The following METTL21A variants were observed in gnomAD, a reference collection of about 807,000 sequenced individuals.
METTL21A encodes methyltransferase 21A, HSPA lysine, also known as protein N-lysine methyltransferase METTL21A.
Under a neutral mutation model 20.9 loss-of-function variants are expected in METTL21A, and 22 were observed. That is an observed-to-expected ratio of 1.05 (90% confidence interval 0.75 to 1.50). The LOEUF is 1.50. METTL21A is among the 40% of genes most tolerant of loss of function. The pLI, the probability that METTL21A is intolerant of heterozygous loss-of-function variation, is 0.00. For missense variants in METTL21A, 271 were observed against 266.8 expected, an observed-to-expected ratio of 1.02 and a Z score of -0.11; for synonymous variants, 93 against 102.0, an observed-to-expected ratio of 0.91 and a Z score of 0.53.
At chr2:207,624,365 A>G in exon 2 of METTL21A, 1 of 1,613,262 alleles carries the variant, frequency 6.2e-7, no homozygotes, top group African/African-American at 1.3e-5. Flanking sequence ...CTCATAGGGC[A>G]CGAGGGCCAT....
chr2:207,614,528 C>G (rs1345999407), intron 3 of METTL21A, among the ~76,000 whole-genome samples: 2 of 152,182 alleles, frequency 1.3e-5, no homozygotes, highest in Non-Finnish European at 2.9e-5. Flanking sequence ...GTCCACTTCT[C>G]CTTAGGCTGT....
intron 3 of METTL21A, chr2:207,620,832 G>A (rs1270740504): frequency 1.4e-6 from 1 of 719,792 alleles, no homozygotes; most frequent in East Asian, 2.9e-5. Flanking sequence ...TGGGTTTCTG[G>A]AAAACAGGCA....
chr2:207,585,013 G>T (rs920287591), intron 3 of METTL21A, among the ~76,000 whole-genome samples: 1 of 151,720 alleles, frequency 6.6e-6, no homozygotes, highest in Non-Finnish European at 1.5e-5. Context: ...ACTTACACAC[G>T]TCTAGGAGCC....
intron 3 of METTL21A, chr2:207,599,804 T>A (rs936606023): frequency 5.1e-6 from 1 of 196,474 alleles, no homozygotes. Context: ...CAAGAACATA[T>A]GTGGCCACAT....
chr2:207,581,792 A>T (rs2082989688), exon 4 of METTL21A: 1 of 691,952 alleles, frequency 1.4e-6, no homozygotes, highest in African/African-American at 1.8e-5. Flanking sequence ...TTTTTTACTT[A>T]CATAATCCAG....
chr2:207,617,868 G>A (rs1202575985), intron 3 of METTL21A, among the ~76,000 whole-genome samples: 1 of 152,214 alleles, frequency 6.6e-6, no homozygotes, highest in Non-Finnish European at 1.5e-5. Context: ...GGACTCCAAG[G>A]GGTAGGGGAG....
downstream of METTL21A, chr2:207,580,780 T>G (rs1002292388): frequency 2.7e-5 from 6 of 224,722 alleles, no homozygotes; most frequent in African/African-American, 6.7e-5. Context: ...TCACTTCTGT[T>G]ACATTTTGGC....
downstream of METTL21A, among the ~76,000 whole-genome samples, chr2:207,607,389 C>CAA (rs911579268): frequency 6.8e-6 from 1 of 147,586 alleles, no homozygotes; most frequent in African/African-American, 2.5e-5. Context: ...AATTCCATCT[C>CAA]AAAAAAAAGA....
intron 3 of METTL21A, chr2:207,582,894 AAAAC>A (rs200290994): frequency 0.058 from 17,216 of 296,370 alleles, 1,345 homozygotes; most frequent in East Asian, 0.2. Context: ...CTGTCTCAAA[AAAAC>A]AAACAAACAA....
chr2:207,601,798 A>C (rs2087102478), intron 3 of METTL21A: 1 of 218,742 alleles, frequency 4.6e-6, no homozygotes, highest in Non-Finnish European at 9.2e-6. Context: ...GTAAGGCTGT[A>C]GGTGAAGAGT....
intron 3 of METTL21A, among the ~76,000 whole-genome samples, chr2:207,621,364 CAA>C (rs772105195): frequency 1.5e-4 from 23 of 152,172 alleles, no homozygotes; most frequent in Non-Finnish European, 2.6e-4. Flanking sequence ...GAAAAACCAG[CAA>C]AGTTTCCTCA....
At chr2:207,598,769 C>G (rs1216350855) in intron 3 of METTL21A, 2 of 166,884 alleles carry the variant, frequency 1.2e-5, no homozygotes, top group Non-Finnish European at 2.6e-5. Context: ...ATTGCTTGAA[C>G]CCAGGAGGCA....
chr2:207,582,107 A>C, exon 4 of METTL21A: 3 of 702,836 alleles, frequency 4.3e-6, no homozygotes, highest in Non-Finnish European at 7.8e-6. Context: ...TTGAGCTACC[A>C]TTTTTCTCTT....
intron 3 of METTL21A, among the ~76,000 whole-genome samples, chr2:207,586,889 C>T (rs1016263103): frequency 2.0e-5 from 3 of 152,140 alleles, no homozygotes; most frequent in African/African-American, 7.2e-5. Flanking sequence ...AAGTAACAAA[C>T]TGATGAGGAT....
chr2:207,621,686 T>A lies in METTL21A; in HGVS notation c.259+120A>T, dbSNP rs1452442352. ...CAGCAGTTGGCCCACAACTCATAAG[T>A]ATAAGCAAAAGATAATAACCCAGTA... On this transcript the variant is annotated intron_variant, in intron 3 of 3. Transcript: ENST00000406927. The A allele has an allele frequency of 9.5e-6, 8 of 844,584 alleles. No homozygotes were observed. The African/African-American group carries it at 1.0e-4, about 11-fold the overall frequency. The allele number at this position is 844,584 out of a possible 1,614,324, so 52.3% of individuals were successfully genotyped here.
At chr2:207,601,853 CTT>C (rs35856558) in intron 3 of METTL21A, 128 of 217,786 alleles carry the variant, frequency 5.9e-4, no homozygotes, top group Non-Finnish European at 9.3e-4. Flanking sequence ...ACAACTAGAA[CTT>C]TTTGTTGGGA....
At chr2:207,594,800 T>C (rs945169889) in intron 3 of METTL21A, among the ~76,000 whole-genome samples, 1 of 152,146 alleles carries the variant, frequency 6.6e-6, no homozygotes, top group Non-Finnish European at 1.5e-5. Flanking sequence ...CTCCATTCCA[T>C]TTTCCATAGC....
At chr2:207,620,728 T>G in intron 3 of METTL21A, 1 of 1,527,680 alleles carries the variant, frequency 6.5e-7, no homozygotes, top group East Asian at 2.5e-5. Context: ...CCTCTGTCAA[T>G]TTACACAGAC....
rs2551648 is a variant in METTL21A at position 207,590,083 on chromosome 2, G to T, written c.260-7923C>A. Among the ~76,000 whole-genome samples the T allele has an allele frequency of 2.2e-3, 170 of 76,120 alleles. 1 individual carries two copies. The highest frequency in any genetic ancestry group is 0.021 in the Middle Eastern group (2 of 94). The allele number at this position is 76,120 out of a possible 152,430, so 49.9% of individuals were successfully genotyped here. On this transcript the variant is annotated intron_variant, in intron 3 of 3. Transcript: ENST00000425132. ...GGCCTGGAGTTTTCTATTTTGAGAA[G>T]TTTTTTTTTTTTTTTTTTTTTTTTA...
Sources: allele counts gnomAD v4.1 joint callset (sites outside exome capture counted in the v4.1 genomes callset), GRCh38; gene constraint gnomAD v4.1.1; transcripts MANE v1.5; gene names NCBI Gene and HGNC (gene_info 2026-07-23, HGNC 2026-07-21).